MAP4K3: variants seen among roughly 807,000 people sequenced by gnomAD.
MAP4K3 encodes the protein MAPK/ERK kinase kinase kinase 3.
In MAP4K3, 94 loss-of-function variants were observed where a neutral mutation model predicts 143.5. That is an observed-to-expected ratio of 0.65 (90% CI 0.55 to 0.78). The LOEUF is 0.78. Among genes scored for constraint, MAP4K3 ranks in the 30% least tolerant of loss-of-function variants. The pLI is 0.00. For synonymous variants in MAP4K3, 416 were observed against 347.2 expected (o/e 1.20, Z -2.20); for missense variants, 1,077 against 1,068.1 (o/e 1.01, Z -0.12).
chr2:39,299,495 C>T (rs1448988854), intron 16 of MAP4K3, among the ~76,000 whole-genome samples: 1 of 152,160 alleles, frequency 6.6e-6, no homozygotes. Flanking sequence ...AGTGGCAATA[C>T]ATGTGGTTTT....
chr2:39,292,643 G>T, intron 18 of MAP4K3, 130 bp downstream of exon 18: 1 of 765,140 alleles, frequency 1.3e-6, no homozygotes, highest in Non-Finnish European at 2.3e-6. Flanking sequence ...AAAAAAGGAA[G>T]GAAACTGAGA....
chr2:39,401,493 C>A (rs1462841300), intron 1 of MAP4K3, among the ~76,000 whole-genome samples: 1 of 152,160 alleles, frequency 6.6e-6, no homozygotes, highest in Admixed American at 6.5e-5. Context: ...TCCCACCTAA[C>A]TGAGCTTCGA....
Position 39,364,606 on chromosome 2 carries a change from G to A in MAP4K3, c.155-8267C>T, listed in dbSNP as rs188222031. On this transcript the variant is annotated intron_variant, in intron 2 of 33. Transcript: ENST00000263881. ...AGGTGGGCCAGGTGCGGTGGCTTACGCCTGTAATGCCAGCACTTTGGAAGT... is the reference window on the plus strand; with the variant it reads ...AGGTGGGCCAGGTGCGGTGGCTTACACCTGTAATGCCAGCACTTTGGAAGT... Among the ~76,000 whole-genome samples, 30 of 152,332 alleles carry A rather than the reference G, an allele frequency of 2.0e-4. 1 individual carries two copies. The East Asian group carries it at 4.6e-3, about 24-fold the overall frequency.
At chr2:39,382,328 A>T (rs1169702160) in intron 1 of MAP4K3, among the ~76,000 whole-genome samples, 1 of 152,212 alleles carries the variant, frequency 6.6e-6, no homozygotes, top group Non-Finnish European at 1.5e-5. Context: ...ATCATCTACT[A>T]TGTATTGAGC....
intron 4 of MAP4K3, among the ~76,000 whole-genome samples, chr2:39,341,762 T>G (rs1204818028): frequency 1.3e-5 from 2 of 152,172 alleles, no homozygotes; most frequent in Non-Finnish European, 2.9e-5. Context: ...AATAGCCATT[T>G]GAATTTCTAA....
intron 2 of MAP4K3, among the ~76,000 whole-genome samples, chr2:39,359,699 C>G (rs755265468): frequency 6.6e-6 from 1 of 152,254 alleles, no homozygotes; most frequent in Non-Finnish European, 1.5e-5. Flanking sequence ...TCTCAAACCT[C>G]AGTTCTTGGT....
chr2:39,272,941 G>T (rs1025581256), intron 24 of MAP4K3, among the ~76,000 whole-genome samples: 2 of 151,878 alleles, frequency 1.3e-5, no homozygotes, highest in Admixed American at 1.3e-4. Context: ...TGCATTCTAG[G>T]GTGTATGATA....
chr2:39,425,477 G>T (rs1293373754), intron 1 of MAP4K3, among the ~76,000 whole-genome samples: 5 of 152,180 alleles, frequency 3.3e-5, no homozygotes, highest in Non-Finnish European at 7.3e-5. Flanking sequence ...GCTTTTTGGA[G>T]ATAACTGGGT....
At chr2:39,257,981 G>C (rs1680412862) in intron 31 of MAP4K3, among the ~76,000 whole-genome samples, 1 of 151,894 alleles carries the variant, frequency 6.6e-6, no homozygotes, top group Non-Finnish European at 1.5e-5. Flanking sequence ...ACCCAGGCTG[G>C]AGTGCAATGG....
chr2:39,351,981 A>C (rs1027437199), intron 3 of MAP4K3, among the ~76,000 whole-genome samples: 1 of 152,162 alleles, frequency 6.6e-6, no homozygotes, highest in African/African-American at 2.4e-5. Flanking sequence ...CAAAAGTTTA[A>C]AATATCTATT....
intron 2 of MAP4K3, among the ~76,000 whole-genome samples, chr2:39,367,162 C>G (rs530998930): frequency 6.6e-6 from 1 of 152,304 alleles, no homozygotes; most frequent in Non-Finnish European, 1.5e-5. Flanking sequence ...ATAAGTATCA[C>G]TTACATTTAC....
intron 24 of MAP4K3, among the ~76,000 whole-genome samples, chr2:39,274,804 T>C (rs987183495): frequency 2.0e-5 from 3 of 152,216 alleles, no homozygotes; most frequent in African/African-American, 7.2e-5. Flanking sequence ...AAGATACTCC[T>C]TGTAAAGCAC....
Position 39,258,378 on chromosome 2 carries a change from G to A in MAP4K3, c.2440C>T (p.Leu814Phe). ...GATTCAATCTGGAAATCAAAGGTGAGTTCTGATGACAATTTCCTGCTAGAT... is the reference window on the plus strand; with the variant it reads ...GATTCAATCTGGAAATCAAAGGTGAATTCTGATGACAATTTCCTGCTAGAT... ...LKSSRKLSSE[L>F]TFDFQIESIV... Residue 814 changes from leucine (L) to phenylalanine (F), a missense_variant, in exon 31 of 34, where the codon CTC (leucine) becomes TTC (phenylalanine). Physicochemically the swap from Leu to Phe is conservative, Grantham distance 22. Around this residue, in one of 2 missense-constraint regions of MAP4K3, gnomAD observed 864 missense variants for 801.2 expected, o/e 1.08. Transcript: ENST00000263881. The A allele has an allele frequency of 6.2e-7, 1 of 1,609,564 alleles. No homozygotes were observed. Among genetic ancestry groups the A allele is most frequent in the Non-Finnish European group, 8.5e-7 (1 of 1,177,564 alleles).
At chr2:39,384,258 G>A (rs924957060) in intron 1 of MAP4K3, among the ~76,000 whole-genome samples, 1 of 152,038 alleles carries the variant, frequency 6.6e-6, no homozygotes, top group Non-Finnish European at 1.5e-5. Context: ...CGGGCATGGT[G>A]GCTCAAGCCG....
At chr2:39,293,323 T>A in intron 16 of MAP4K3, 55 bp from the exon 17 acceptor site, 1 of 1,075,548 alleles carries the variant, frequency 9.3e-7, no homozygotes, top group South Asian at 1.5e-5. Flanking sequence ...CAAAGGAATA[T>A]CGAATGTGTT....
intron 1 of MAP4K3, among the ~76,000 whole-genome samples, chr2:39,430,910 A>T (rs1293317647): frequency 6.6e-6 from 1 of 152,182 alleles, no homozygotes; most frequent in Non-Finnish European, 1.5e-5. Context: ...CCCAGTCAGA[A>T]ATAATGATCT....
At chr2:39,255,176 A>T (rs1680296079) in intron 31 of MAP4K3, among the ~76,000 whole-genome samples, 2 of 152,142 alleles carry the variant, frequency 1.3e-5, no homozygotes, top group South Asian at 4.1e-4. Context: ...TCCAACCTTC[A>T]TACATTCAGT....
chr2:39,407,787 G>A (rs572032824), intron 1 of MAP4K3, among the ~76,000 whole-genome samples: 13 of 152,096 alleles, frequency 8.5e-5, no homozygotes, highest in Non-Finnish European at 2.9e-5. Flanking sequence ...TGTTGCCCAG[G>A]CTGGTCTCAA....
At chr2:39,251,061 G>A (rs906401827) in intron 33 of MAP4K3, among the ~76,000 whole-genome samples, 17 of 152,232 alleles carry the variant, frequency 1.1e-4, no homozygotes, top group African/African-American at 4.1e-4. Flanking sequence ...GACCCACGCT[G>A]CACAATGGAT....
Sources: allele counts gnomAD v4.1 joint callset (sites outside exome capture counted in the v4.1 genomes callset), GRCh38; gene constraint gnomAD v4.1.1; regional missense constraint gnomAD v4.1.1; transcripts MANE v1.5; gene names NCBI Gene and HGNC (gene_info 2026-07-23, HGNC 2026-07-21).